Variants in CASR observed in about 807,000 individuals in gnomAD.
The protein encoded by CASR is calcium sensing receptor.
CASR carries 23 observed loss-of-function variants against 69.1 expected under a neutral mutation model. That is an observed-to-expected ratio of 0.33 (90% CI 0.24 to 0.47). CASR has a LOEUF of 0.47. CASR is among the 20% of genes least tolerant of loss of function. The pLI, the probability that CASR is intolerant of heterozygous loss-of-function variation, is 1.00. For synonymous variants in CASR, 541 were observed against 544.7 expected, an observed-to-expected ratio of 0.99 and a Z score of 0.10; for missense variants, 924 against 1,356.1, an observed-to-expected ratio of 0.68 and a Z score of 5.00.
chr3:122,280,469 G>A (rs1160146068), intron 5 of CASR, among the ~76,000 whole-genome samples: 1 of 152,176 alleles, frequency 6.6e-6, no homozygotes, highest in African/African-American at 2.4e-5. Flanking sequence ...TTGGAAAACA[G>A]GGCCTTTAGC....
Position 122,271,448 on chromosome 3 carries a change from G to A in CASR, c.1378-4364G>A, listed in dbSNP as rs77722005. 1.7e-3 allele frequency among the ~76,000 whole-genome samples: 263 copies of A among 152,250 alleles called. 3 individuals carry two copies. The highest frequency in any genetic ancestry group is 5.7e-3 in the African/African-American group (235 of 41,544). On this transcript the variant is annotated intron_variant, in intron 4 of 6. Coordinates refer to ENST00000639785, the MANE Select transcript of CASR (RefSeq NM_000388.4). ...CCCTGCCACATCCGAAGTTGGACTT[G>A]CCATGTCTCATTACTCAACTCGCTA...
chr3:122,271,094 A>G (rs1390266408), intron 4 of CASR, among the ~76,000 whole-genome samples: 5 of 152,118 alleles, frequency 3.3e-5, no homozygotes, highest in African/African-American at 4.8e-5. Flanking sequence ...CGAATGCCCT[A>G]TTGACCTTAT....
At chr3:122,240,552 G>C (rs942109691) in intron 1 of CASR, among the ~76,000 whole-genome samples, 1 of 152,100 alleles carries the variant, frequency 6.6e-6, no homozygotes, top group Non-Finnish European at 1.5e-5. Context: ...TATTATTAGA[G>C]CTAAAGAAAG....
At chr3:122,240,276 G>T (rs755349028) in intron 1 of CASR, among the ~76,000 whole-genome samples, 2 of 152,134 alleles carry the variant, frequency 1.3e-5, no homozygotes, top group African/African-American at 2.4e-5. Flanking sequence ...ATGATCTGTT[G>T]CCTATAAGAA....
intron 1 of CASR, among the ~76,000 whole-genome samples, chr3:122,234,878 T>C (rs1369441051): frequency 6.6e-6 from 1 of 152,242 alleles, no homozygotes; most frequent in Non-Finnish European, 1.5e-5. Flanking sequence ...ATGTAGTATG[T>C]TCCAGGATTT....
chr3:122,241,618 C>T (rs1338909901), intron 1 of CASR, among the ~76,000 whole-genome samples: 4 of 152,010 alleles, frequency 2.6e-5, no homozygotes, highest in African/African-American at 9.7e-5. Context: ...GAATACCAAT[C>T]CTACTCAAAC....
chr3:122,211,635 G>A (rs2074067339), intron 1 of CASR, among the ~76,000 whole-genome samples: 1 of 152,210 alleles, frequency 6.6e-6, no homozygotes, highest in South Asian at 2.1e-4. Context: ...CTGAGCCTGG[G>A]AGGTGGAGGT....
At chr3:122,226,398 G>A (rs2074223030) in intron 1 of CASR, among the ~76,000 whole-genome samples, 1 of 152,126 alleles carries the variant, frequency 6.6e-6, no homozygotes, top group Non-Finnish European at 1.5e-5. Context: ...CGCAGTGAGT[G>A]TTACAGCTCA....
At chr3:122,233,329 G>C (rs2074297342) in intron 1 of CASR, among the ~76,000 whole-genome samples, 1 of 152,204 alleles carries the variant, frequency 6.6e-6, no homozygotes, top group South Asian at 2.1e-4. Context: ...GCCATGAGAA[G>C]CAATGCCACC....
In CASR at chr3:122,189,329, A is replaced by G. The variant is rs149897392; in HGVS notation, c.-243+5517A>G. ...GAAGTTTAAATGAGTTAAATGTGCT[A>G]AACACAATGTGTGGCGTATGGTGGG... is the stretch of plus-strand genomic sequence containing the variant. On this transcript the variant is annotated intron_variant, in intron 1 of 6. Transcript: ENST00000639785. 1.1e-4 allele frequency among the ~76,000 whole-genome samples: 17 copies of G among 152,348 alleles called. No individual in the cohort carries two copies. In the East Asian group the frequency reaches 3.1e-3, roughly 28 times the overall value.
chr3:122,274,582 G>A (rs2074794137), intron 4 of CASR, among the ~76,000 whole-genome samples: 1 of 152,172 alleles, frequency 6.6e-6, no homozygotes, highest in Non-Finnish European at 1.5e-5. Flanking sequence ...TGTGAGATTA[G>A]ACGTTGGATT....
rs924947328 is a variant in CASR, at chr3:122,260,695, A to T, written c.493-833A>T. Among the ~76,000 whole-genome samples, 12 of 152,060 alleles carry T rather than the reference A, an allele frequency of 7.9e-5. No individual in the cohort carries two copies. In the South Asian group the frequency reaches 1.9e-3, roughly 24 times the overall value. Reference sequence around the variant, plus strand: ...CCTAGAACTTAAAGTATAATAAAAAAAAAAAAAAAGTGGGTCTGGCCATAA... The same window carrying T: ...CCTAGAACTTAAAGTATAATAAAAATAAAAAAAAAGTGGGTCTGGCCATAA... On this transcript the variant is annotated intron_variant, in intron 3 of 6. Transcript: ENST00000639785.
chr3:122,254,264 A>C lies in CASR; in HGVS notation c.75A>C (p.Arg25=), dbSNP rs199869938. The C allele has an allele frequency of 1.2e-6, 2 of 1,614,108 alleles. No individual in the cohort carries two copies. The highest frequency in any genetic ancestry group is 1.7e-6 in the Non-Finnish European group (2 of 1,180,010). Residue 25 remains arginine (R), a synonymous_variant, in exon 2 of 7, where the codon CGA becomes CGC. Transcript: ENST00000639785. ...CCTCTGCCTACGGGCCAGACCAGCG[A>C]GCCCAAAAGAAGGGGGACATTATCC... The part of the protein sequence containing the change: ...WHTSAYGPDQ[R]AQKKGDIILG...
intron 2 of CASR, 69 bp from the exon 3 acceptor site, chr3:122,257,012 G>A (rs749009089): frequency 1.3e-4 from 172 of 1,327,180 alleles, no homozygotes; most frequent in Non-Finnish European, 1.8e-4. Context: ...ACCCAGCTTT[G>A]CCAGGTCTTT....
chr3:122,263,872 A>C (rs2074656274), intron 4 of CASR, among the ~76,000 whole-genome samples: 1 of 152,130 alleles, frequency 6.6e-6, no homozygotes. Flanking sequence ...ATGGGGTTTT[A>C]AGTAGGAGGA....
At chr3:122,227,619 C>A (rs891465545) in intron 1 of CASR, among the ~76,000 whole-genome samples, 3 of 152,230 alleles carry the variant, frequency 2.0e-5, no homozygotes, top group South Asian at 4.1e-4. Context: ...CAGAAAGGGG[C>A]TCCCACAGCG....
intron 1 of CASR, among the ~76,000 whole-genome samples, chr3:122,231,616 G>A (rs532171895): frequency 5.3e-5 from 8 of 152,208 alleles, no homozygotes; most frequent in South Asian, 2.1e-4. Context: ...CTGTAATCTC[G>A]TGCTAGTCAC....
intron 3 of CASR, among the ~76,000 whole-genome samples, chr3:122,259,096 G>C (rs937475074): frequency 4.6e-5 from 7 of 152,078 alleles, no homozygotes; most frequent in Non-Finnish European, 1.0e-4. Context: ...GTGTGTTTCT[G>C]AGGGGTTTTT....
intron 1 of CASR, among the ~76,000 whole-genome samples, chr3:122,193,607 A>T (rs1394029121): frequency 6.6e-6 from 1 of 152,220 alleles, no homozygotes; most frequent in Non-Finnish European, 1.5e-5. Flanking sequence ...ACCATGTGCC[A>T]GTAACACAGT....
Sources: gnomAD v4.1 joint callset for allele counts (sites outside exome capture counted in the v4.1 genomes callset) on GRCh38, gnomAD v4.1.1 for gene constraint, MANE v1.5 for transcripts, NCBI Gene and HGNC (gene_info 2026-07-23, HGNC 2026-07-21) for gene names.